Variants in BEND3 observed in about 807,000 individuals in gnomAD.
BEND3 encodes BEN domain-containing protein 3.
BEND3 carries 13 observed loss-of-function variants against 60.1 expected under a neutral mutation model. That is an observed-to-expected ratio of 0.22 (90% CI 0.14 to 0.34). The LOEUF (loss-of-function observed/expected upper bound fraction) is 0.34, where lower values mean the gene tolerates loss of function less well. Ranked by LOEUF, BEND3 falls within the 10% of genes least tolerant of loss-of-function variation. BEND3 has a pLI of 1.00. For missense variants in BEND3, 896 were observed against 1,138.1 expected, an observed-to-expected ratio of 0.79 and a Z score of 3.06; for synonymous variants, 497 against 491.5, an observed-to-expected ratio of 1.01 and a Z score of -0.15.
chr6:107,105,362 C>T lies in BEND3; in HGVS notation c.-11-6066G>A, dbSNP rs184842063. Among the ~76,000 whole-genome samples the T allele has an allele frequency of 3.0e-3, 419 of 139,766 alleles. 5 individuals are homozygous for T. Among genetic ancestry groups the T allele is most frequent in the African/African-American group, 0.01 (384 of 37,004 alleles). The allele number at this position is 139,766 out of a possible 152,430, so 91.7% of individuals were successfully genotyped here. On this transcript the variant is annotated intron_variant, in intron 1 of 3. Coordinates refer to ENST00000369042, the MANE Select transcript of BEND3 (RefSeq NM_001367314.1). ...CTCCAGTCTGGGAGACAGAGAAAGA[C>T]TCTGTCTCAAAAAAGAAAAAAAAAA... is the stretch of plus-strand genomic sequence containing the variant.
intron 3 of BEND3, among the ~76,000 whole-genome samples, chr6:107,098,199 A>G (rs1775627086): frequency 6.6e-6 from 1 of 152,210 alleles, no homozygotes; most frequent in African/African-American, 2.4e-5. Flanking sequence ...CCTCCAGCTA[A>G]TGCCCCACTT....
chr6:107,073,168 G>A (rs377189846), intron 3 of BEND3, among the ~76,000 whole-genome samples: 3 of 131,690 alleles, frequency 2.3e-5, no homozygotes, highest in East Asian at 5.0e-4. Context: ...TCACAGAGCT[G>A]GCCAATACTT....
chr6:107,089,322 C>T (rs1272848446), intron 3 of BEND3, among the ~76,000 whole-genome samples: 1 of 151,946 alleles, frequency 6.6e-6, no homozygotes, highest in Admixed American at 6.6e-5. Flanking sequence ...TTTTCTCACA[C>T]CTGTAATCCC....
In BEND3 at chr6:107,069,718, G is replaced by A. The variant is rs370526148; in HGVS notation, c.1473C>T (p.Gly491=). Residue 491 remains glycine (G), a synonymous_variant, in exon 4 of 4, where the codon GGC becomes GGT. Coordinates refer to ENST00000369042, the MANE Select transcript of BEND3 (RefSeq NM_001367314.1). ...CGTAGCAGTCATCACGCGGGGGGTC[G>A]CCTTCACTGCCCGCGTCCAGCCCCA... The part of the protein sequence containing the change: ...EGLGLDAGSE[G]DPPRDDCYDS... The A allele has an allele frequency of 1.4e-5, 23 of 1,610,580 alleles. No homozygotes were observed. The Admixed American group carries it at 1.5e-4, about 11-fold the overall frequency.
At chr6:107,090,216 G>A (rs1210097124) in intron 3 of BEND3, among the ~76,000 whole-genome samples, 1 of 152,102 alleles carries the variant, frequency 6.6e-6, no homozygotes, top group Non-Finnish European at 1.5e-5. Flanking sequence ...GGGTGTGGTA[G>A]CATGTGCCTG....
chr6:107,099,872 ATTTT>A lies in BEND3; in HGVS notation c.-11-580_-11-577del, dbSNP rs35134580. Among the ~76,000 whole-genome samples the A allele has an allele frequency of 2.0e-5, 3 of 147,950 alleles. No individual in the cohort carries two copies. In the East Asian group the frequency reaches 5.9e-4, roughly 29 times the overall value. ...AGAAATGCAAAATATCTCACTAGTA[ATTTT>A]TTTTTTTTTAGAGGAAAGGTCTCAC... On this transcript the variant is annotated intron_variant, in intron 1 of 3. Transcript: ENST00000369042.
rs1200508943 is a variant in BEND3 at position 107,091,045 on chromosome 6, G to C, written c.240+7506C>G. ...TAATTGCTTGAACCTGGAAGGCAGAGGTTATAGTGAGCCAAGATCGCACCA... is the reference window on the plus strand; with the variant it reads ...TAATTGCTTGAACCTGGAAGGCAGACGTTATAGTGAGCCAAGATCGCACCA... On this transcript the variant is annotated intron_variant, in intron 3 of 3. Transcript: ENST00000369042. Among the ~76,000 whole-genome samples the C allele has an allele frequency of 2.0e-5, 3 of 151,894 alleles. No homozygotes were observed. The East Asian group carries it at 5.8e-4, about 29-fold the overall frequency.
Position 107,069,614 on chromosome 6 carries a change from G to A in BEND3, c.1577C>T (p.Ser526Phe). Residue 526 changes from serine (S) to phenylalanine (F), a missense_variant, in exon 4 of 4, where the codon TCC becomes TTC. By Grantham distance (155) the Ser-to-Phe change is radical. Around this residue, in one of 4 missense-constraint regions of BEND3, gnomAD observed 846 missense variants for 1,036.7 expected, o/e 0.82. Coordinates refer to ENST00000369042, the MANE Select transcript of BEND3 (RefSeq NM_001367314.1). ...GATGGGCACCAGCCAGATCTTCTTGGAGCGGCGACCCGGCCGCTCGCCCTC... is the reference window on the plus strand; with the variant it reads ...GATGGGCACCAGCCAGATCTTCTTGAAGCGGCGACCCGGCCGCTCGCCCTC... ...SFEGERPGRR[S>F]KKIWLVPIDF... 6.2e-7 allele frequency: 1 copy of A among 1,611,910 alleles called. No individual in the cohort carries two copies.
intron 3 of BEND3, among the ~76,000 whole-genome samples, chr6:107,090,819 GAT>G (rs1397704752): frequency 6.6e-6 from 1 of 151,900 alleles, no homozygotes; most frequent in East Asian, 1.9e-4. Context: ...GCTAAAAAAA[GAT>G]AAAATTAGGC....
At chr6:107,071,963 C>T (rs995691962) in intron 3 of BEND3, among the ~76,000 whole-genome samples, 1 of 152,136 alleles carries the variant, frequency 6.6e-6, no homozygotes, top group Non-Finnish European at 1.5e-5. Flanking sequence ...CTGGTAGACA[C>T]GTGTCAAAAC....
intron 1 of BEND3, among the ~76,000 whole-genome samples, chr6:107,110,566 T>C (rs1554238239): frequency 6.6e-6 from 1 of 152,102 alleles, no homozygotes; most frequent in East Asian, 1.9e-4. Context: ...TGTGACTTTC[T>C]TTTTCTTTTT....
chr6:107,088,464 C>G (rs1188670538), intron 3 of BEND3, among the ~76,000 whole-genome samples: 1 of 152,014 alleles, frequency 6.6e-6, no homozygotes, highest in East Asian at 1.9e-4. Context: ...AGATACCAAA[C>G]CACAGATCTA....
intron 1 of BEND3, among the ~76,000 whole-genome samples, chr6:107,108,270 C>T (rs1465508465): frequency 1.3e-5 from 2 of 152,180 alleles, no homozygotes; most frequent in Non-Finnish European, 2.9e-5. Flanking sequence ...TGGTCACTTG[C>T]GTCTTCTGAG....
At chr6:107,113,437 C>CAAAAAA (rs1158122732) in intron 1 of BEND3, among the ~76,000 whole-genome samples, 144 of 13,056 alleles carry the variant, frequency 0.011, 13 homozygotes, top group African/African-American at 0.031. Context: ...GACTCCGTCT[C>CAAAAAA]AAAAAAAAAA....
At chr6:107,073,731 A>T (rs1562300744) in intron 3 of BEND3, among the ~76,000 whole-genome samples, 1 of 151,742 alleles carries the variant, frequency 6.6e-6, no homozygotes, top group Non-Finnish European at 1.5e-5. Flanking sequence ...CCCCACCTCT[A>T]CAAAAATAAG....
chr6:107,111,579 G>C (rs1054771514), intron 1 of BEND3, among the ~76,000 whole-genome samples: 19 of 151,842 alleles, frequency 1.3e-4, no homozygotes, highest in Non-Finnish European at 2.6e-4. Context: ...TACAGAATAG[G>C]TTTCCCATTC....
intron 1 of BEND3, among the ~76,000 whole-genome samples, chr6:107,109,883 C>T (rs1775905018): frequency 6.6e-6 from 1 of 151,892 alleles, no homozygotes; most frequent in South Asian, 2.1e-4. Flanking sequence ...TCAAAAAAAT[C>T]AGCCAGGCAT....
intron 1 of BEND3, among the ~76,000 whole-genome samples, chr6:107,102,379 CCAT>C (rs1479358095): frequency 1.3e-5 from 2 of 152,114 alleles, no homozygotes; most frequent in Non-Finnish European, 2.9e-5. Context: ...TGAACCACCA[CCAT>C]GTGACCCTAC....
rs1408501666 is a variant in BEND3, at chr6:107,112,949, G to A, written c.-12+2141C>T. ...CAAGGTGAGCGGATCATGAGGTCAG[G>A]AGATTGAGACCATCCTGGCTAACAC... On this transcript the variant is annotated intron_variant, in intron 1 of 3. Coordinates refer to ENST00000369042, the MANE Select transcript of BEND3 (RefSeq NM_001367314.1). 2.0e-5 allele frequency among the ~76,000 whole-genome samples: 3 copies of A among 151,840 alleles called. 1 individual carries two copies. The East Asian group carries it at 5.8e-4, about 30-fold the overall frequency.
Sources: gnomAD v4.1 joint callset for allele counts (sites outside exome capture counted in the v4.1 genomes callset) on GRCh38, gnomAD v4.1.1 for gene constraint, gnomAD v4.1.1 regional missense constraint, MANE v1.5 for transcripts, NCBI Gene and HGNC (gene_info 2026-07-23, HGNC 2026-07-21) for gene names.